The following IL23R variants were observed in gnomAD, a reference collection of about 807,000 sequenced individuals.
The protein encoded by IL23R is interleukin-23 receptor.
IL23R carries 34 observed loss-of-function variants against 56.9 expected under a neutral mutation model. The observed-to-expected ratio is 0.60, with a 90% CI of 0.45 to 0.80. The LOEUF is 0.80. Among genes scored for constraint, IL23R ranks in the 30% least tolerant of loss-of-function variants. The pLI is 0.00. For synonymous variants in IL23R, 230 were observed against 249.2 expected (o/e 0.92, Z 0.73); for missense variants, 635 against 730.0 (o/e 0.87, Z 1.50).
intron 6 of IL23R, among the ~76,000 whole-genome samples, chr1:67,209,126 C>G (rs891770850): frequency 2.6e-5 from 4 of 152,140 alleles, no homozygotes; most frequent in Non-Finnish European, 4.4e-5. Context: ...GGCTGTATTA[C>G]CTAATACCTG....
At chr1:67,143,011 G>A (rs759953176) in intron 1 of IL23R, among the ~76,000 whole-genome samples, 17 of 152,166 alleles carry the variant, frequency 1.1e-4, no homozygotes, top group Non-Finnish European at 2.2e-4. Context: ...TTCTCAGAGA[G>A]ATTAAATAAC....
chr1:67,238,148 G>T (rs1400543229), intron 8 of IL23R, among the ~76,000 whole-genome samples: 1 of 152,028 alleles, frequency 6.6e-6, no homozygotes, highest in Non-Finnish European at 1.5e-5. Context: ...AGGAGTTTGA[G>T]ACCAGCCTGC....
intron 9 of IL23R, among the ~76,000 whole-genome samples, chr1:67,249,026 G>C (rs1451068528): frequency 6.6e-6 from 1 of 151,994 alleles, no homozygotes; most frequent in Admixed American, 6.6e-5. Context: ...GGATGAACTT[G>C]GTACCTCAGA....
At chr1:67,238,369 A>G (rs1005870976) in intron 8 of IL23R, among the ~76,000 whole-genome samples, 16 of 151,508 alleles carry the variant, frequency 1.1e-4, no homozygotes, top group Non-Finnish European at 2.1e-4. Context: ...GAAAAAGAAG[A>G]AAAAGAAAAA....
At chr1:67,260,464 A>G (rs1303718637), downstream of IL23R, among the ~76,000 whole-genome samples, 1 of 152,072 alleles carries the variant, frequency 6.6e-6, no homozygotes, top group Non-Finnish European at 1.5e-5. Flanking sequence ...CCCATATCCC[A>G]TGTCTCCTGC....
chr1:67,217,190 T>C (rs1029781230), intron 6 of IL23R, among the ~76,000 whole-genome samples: 36 of 152,334 alleles, frequency 2.4e-4, no homozygotes, highest in Non-Finnish European at 3.5e-4. Context: ...CAATGACCCC[T>C]AACCTTCAGA....
At chr1:67,174,414 T>C (rs1167693835) in intron 3 of IL23R, among the ~76,000 whole-genome samples, 1 of 151,850 alleles carries the variant, frequency 6.6e-6, no homozygotes, top group Non-Finnish European at 1.5e-5. Flanking sequence ...TATATTTGTT[T>C]ATTGTTCTAC....
At position 67,225,200 on chromosome 1, in the gene IL23R, G is replaced by C. The variant is rs145866770; in HGVS notation, c.955+5470G>C. Among the ~76,000 whole-genome samples, 84 of 152,310 alleles carry C rather than the reference G, an allele frequency of 5.5e-4. 1 individual carries two copies. In the East Asian group the frequency reaches 0.015, roughly 27 times the overall value. The stretch of plus-strand genomic sequence containing the variant: ...CATTTCTAATGCAGTGTTTGTTATG[G>C]AAATGCAAACGCATGAGAAAAGAAC... On this transcript the variant is annotated intron_variant, in intron 7 of 10. Coordinates refer to ENST00000347310, the MANE Select transcript of IL23R (RefSeq NM_144701.3).
At position 67,182,793 on chromosome 1, in the gene IL23R, C is replaced by T. The variant is rs375763673; in HGVS notation, c.368-43C>T. The stretch of plus-strand genomic sequence containing the variant: ...ATCTTGGCTTGGGACCAGAGAACTT[C>T]GTATTTCTTACAGCACCTCCTAAGT... On this transcript the variant is annotated intron_variant, in intron 3 of 10. Transcript: ENST00000347310. The T allele has an allele frequency of 2.7e-5, 43 of 1,611,916 alleles. No homozygotes were observed. The African/African-American group carries it at 3.5e-4, about 13-fold the overall frequency.
At chr1:67,224,703 T>C (rs947392468) in intron 7 of IL23R, among the ~76,000 whole-genome samples, 3 of 152,202 alleles carry the variant, frequency 2.0e-5, no homozygotes, top group Non-Finnish European at 4.4e-5. Context: ...TAGACTTTAA[T>C]AGGACAAACA....
At chr1:67,196,864 G>T (rs768094736) in intron 4 of IL23R, among the ~76,000 whole-genome samples, 1 of 152,210 alleles carries the variant, frequency 6.6e-6, no homozygotes, top group Non-Finnish European at 1.5e-5. Flanking sequence ...TGAGAAAGGT[G>T]GACCGCATGC....
chr1:67,171,960 T>C (rs1316290131), intron 3 of IL23R, among the ~76,000 whole-genome samples: 5 of 152,222 alleles, frequency 3.3e-5, no homozygotes, highest in South Asian at 2.1e-4. Flanking sequence ...GACAGCCTAA[T>C]AGAAATACAT....
intron 1 of IL23R, among the ~76,000 whole-genome samples, chr1:67,147,625 G>A (rs756749570): frequency 5.9e-5 from 9 of 151,934 alleles, no homozygotes; most frequent in Non-Finnish European, 1.0e-4. Context: ...GCTTAAACTT[G>A]GGAAGCAGAG....
intron 4 of IL23R, 94 bp from the exon 5 acceptor site, chr1:67,200,643 C>G: frequency 7.5e-7 from 1 of 1,338,256 alleles, no homozygotes. Context: ...GCTTGGTCTC[C>G]CAAAATGCTA....
intron 5 of IL23R, among the ~76,000 whole-genome samples, chr1:67,205,885 TTCTTTCTTTC>T (rs1648975609): frequency 1.8e-5 from 1 of 56,034 alleles, no homozygotes; most frequent in African/African-American, 4.8e-5. Flanking sequence ...CTTTCTTTCT[TTCTTTCTTTC>T]TTTCTTTCTT....
chr1:67,169,685 A>G, intron 3 of IL23R, 47 bp downstream of exon 3: 1 of 1,518,398 alleles, frequency 6.6e-7, no homozygotes, highest in Non-Finnish European at 9.1e-7. Context: ...CTAGTTTAAC[A>G]ATTAACTGGT....
upstream of IL23R, among the ~76,000 whole-genome samples, chr1:67,165,157 C>T (rs1328775813): frequency 6.6e-6 from 1 of 151,980 alleles, no homozygotes; most frequent in Non-Finnish European, 1.5e-5. Flanking sequence ...TGCAGTGAGC[C>T]GTAATCACGC....
At position 67,259,264 on chromosome 1, in the gene IL23R, T is replaced by C; in HGVS notation, c.*136T>C. ...CAAATCTTCACATGGACACATGTTT[T>C]CATTTCCCTTGGATAAATACCTAGG... On this transcript the variant is annotated 3_prime_UTR_variant, in exon 11 of 11. Transcript: ENST00000347310. 3.6e-6 allele frequency: 3 copies of C among 842,414 alleles called. No homozygotes were observed. Among genetic ancestry groups the C allele is most frequent in the South Asian group, 3.0e-5 (2 of 66,804 alleles). 52.2% of individuals were successfully genotyped at this position (842,414 alleles called of 1,614,324 possible).
intron 4 of IL23R, among the ~76,000 whole-genome samples, chr1:67,195,037 T>C (rs1427451000): frequency 6.6e-6 from 1 of 152,186 alleles, no homozygotes; most frequent in Non-Finnish European, 1.5e-5. Context: ...ATCATAAATA[T>C]CTTCTTTTTT....
Sources: gnomAD v4.1 joint callset for allele counts (sites outside exome capture counted in the v4.1 genomes callset) on GRCh38, gnomAD v4.1.1 for gene constraint, MANE v1.5 for transcripts, NCBI Gene and HGNC (gene_info 2026-07-23, HGNC 2026-07-21) for gene names.